The following EVI5 variants were observed in gnomAD, a reference collection of about 807,000 sequenced individuals.
EVI5 encodes the protein ecotropic viral integration site 5 protein homolog.
In EVI5, 73 loss-of-function variants were observed where a neutral mutation model predicts 112.0. That is an observed-to-expected ratio of 0.65 (90% CI 0.54 to 0.79). EVI5 has a LOEUF of 0.79. Among genes scored for constraint, EVI5 ranks in the 30% least tolerant of loss-of-function variants. EVI5 has a pLI of 0.00. For synonymous variants in EVI5, 305 were observed against 319.9 expected, an observed-to-expected ratio of 0.95 and a Z score of 0.50; for missense variants, 900 against 968.8, an observed-to-expected ratio of 0.93 and a Z score of 0.94.
At chr1:92,659,544 C>T (rs904272663) in intron 13 of EVI5, among the ~76,000 whole-genome samples, 1 of 151,996 alleles carries the variant, frequency 6.6e-6, no homozygotes, top group Non-Finnish European at 1.5e-5. Flanking sequence ...CAATGAGATA[C>T]CATCTTACAC....
intron 19 of EVI5, among the ~76,000 whole-genome samples, chr1:92,549,939 G>A (rs1666500742): frequency 6.6e-6 from 1 of 152,152 alleles, no homozygotes; most frequent in Admixed American, 6.5e-5. Context: ...AAGACAGTGT[G>A]GCGATTACTC....
chr1:92,728,267 T>A (rs1485996575), intron 2 of EVI5, among the ~76,000 whole-genome samples: 1 of 152,180 alleles, frequency 6.6e-6, no homozygotes, highest in Non-Finnish European at 1.5e-5. Flanking sequence ...ACAATTATAA[T>A]TTGAAGTTAC....
chr1:92,682,419 T>A (rs921104282), intron 9 of EVI5, among the ~76,000 whole-genome samples: 1 of 152,182 alleles, frequency 6.6e-6, no homozygotes, highest in African/African-American at 2.4e-5. Context: ...AAGTTCCATA[T>A]CAGCAGGGAT....
At chr1:92,538,665 G>T (rs1032671942) in intron 19 of EVI5, among the ~76,000 whole-genome samples, 1 of 152,184 alleles carries the variant, frequency 6.6e-6, no homozygotes, top group Admixed American at 6.5e-5. Flanking sequence ...TGATTCCAAG[G>T]TGGCACACTG....
chr1:92,655,121 C>T (rs1662780774), intron 13 of EVI5, among the ~76,000 whole-genome samples: 1 of 151,744 alleles, frequency 6.6e-6, no homozygotes, highest in Non-Finnish European at 1.5e-5. Context: ...AGAAGATGCT[C>T]AGAGAACTCT....
At chr1:92,664,126 G>C (rs1385417894) in intron 11 of EVI5, among the ~76,000 whole-genome samples, 1 of 152,164 alleles carries the variant, frequency 6.6e-6, no homozygotes, top group Non-Finnish European at 1.5e-5. Context: ...ACATGAAAGG[G>C]AGAAGGAATT....
chr1:92,695,023 C>T (rs1024490585), intron 7 of EVI5, among the ~76,000 whole-genome samples: 3 of 152,182 alleles, frequency 2.0e-5, no homozygotes, highest in African/African-American at 4.8e-5. Flanking sequence ...AGGCTCCAAA[C>T]TGCCTATGTT....
chr1:92,512,826 TAGAAAAAAA>T lies in EVI5; in HGVS notation c.*821_*829del, dbSNP rs913831684. The T allele has an allele frequency of 1.4e-5, 2 of 145,694 alleles. No individual in the cohort carries two copies. Among genetic ancestry groups the T allele is most frequent in the African/African-American group, 2.5e-5 (1 of 40,446 alleles). The allele number at this position is 145,694 out of a possible 1,614,324, so 9.0% of individuals were successfully genotyped here. A position where few individuals can be genotyped will look rare whatever the true frequency, so the allele number is the denominator to read the frequency against. ...AATAATTTTCATGAAAAAATAAAAA[TAGAAAAAAA>T]AAACCTCCCAGACACAAACAGACAA... On this transcript the variant is annotated 3_prime_UTR_variant, in exon 20 of 20. Transcript: ENST00000684568.
chr1:92,784,691 G>T, intron 1 of EVI5, 145 bp downstream of exon 1: 1 of 474,732 alleles, frequency 2.1e-6, no homozygotes, highest in Non-Finnish European at 2.8e-6. Context: ...GCCCTGGCGG[G>T]GCCAGGCGCG....
chr1:92,755,179 T>C (rs1570782168), intron 1 of EVI5, among the ~76,000 whole-genome samples: 1 of 147,146 alleles, frequency 6.8e-6, no homozygotes, highest in Non-Finnish European at 1.5e-5. Flanking sequence ...GAGGCTGAGG[T>C]GGGTGGATCA....
At chr1:92,728,013 ATAAAC>A (rs1188401932) in intron 2 of EVI5, among the ~76,000 whole-genome samples, 1 of 29,740 alleles carries the variant, frequency 3.4e-5, no homozygotes, top group African/African-American at 1.0e-4. Context: ...AAAGTTAAAG[ATAAAC>A]AAAAAAAAAT....
intron 10 of EVI5, among the ~76,000 whole-genome samples, chr1:92,675,955 CAAA>C (rs370294019): frequency 1.8e-5 from 1 of 56,696 alleles, no homozygotes. Flanking sequence ...GACTTCGTCT[CAAA>C]AAAAAAAAAA....
chr1:92,696,613 G>A (rs1285329442), intron 6 of EVI5, among the ~76,000 whole-genome samples: 1 of 150,540 alleles, frequency 6.6e-6, no homozygotes, highest in Non-Finnish European at 1.5e-5. Flanking sequence ...CTTCAGCCTG[G>A]ACAACAGAGC....
chr1:92,543,501 T>C (rs534870722), intron 19 of EVI5, among the ~76,000 whole-genome samples: 1 of 152,352 alleles, frequency 6.6e-6, no homozygotes, highest in Admixed American at 6.5e-5. Context: ...TGAGGCTGCT[T>C]TGCTTTCTTA....
At position 92,624,231 on chromosome 1, in the gene EVI5, T is replaced by C. The variant is rs1323984883; in HGVS notation, c.1772A>G (p.Glu591Gly). The change falls in exon 16 of 20, where the codon GAA becomes GGA. Residue 591 changes from glutamate to glycine, a missense_variant. Transcript: ENST00000684568. ...TATTTCTCTTATTTCTGCTTGTGTTTCAGCTTCTCTAAGTCGAATGGTCAT... is the reference window on the plus strand; with the variant it reads ...TATTTCTCTTATTTCTGCTTGTGTTCCAGCTTCTCTAAGTCGAATGGTCAT... ...ELMTIRLREA[E>G]TQAEIREIKQ... 1 of 1,613,894 alleles carries C rather than the reference T, an allele frequency of 6.2e-7. No individual in the cohort carries two copies. The highest frequency in any genetic ancestry group is 8.5e-7 in the Non-Finnish European group (1 of 1,179,830).
chr1:92,695,639 A>T (rs925764740), intron 6 of EVI5, among the ~76,000 whole-genome samples, 186 bp from the exon 7 acceptor site: 2 of 152,166 alleles, frequency 1.3e-5, no homozygotes, highest in African/African-American at 4.8e-5. Context: ...AGGGGGAAAG[A>T]ATGTGAAGTT....
chr1:92,602,999 AC>A (rs1649516766), intron 18 of EVI5, among the ~76,000 whole-genome samples: 1 of 152,212 alleles, frequency 6.6e-6, no homozygotes, highest in Admixed American at 6.5e-5. Flanking sequence ...TAACTCAACA[AC>A]AAAAACAACA....
Position 92,767,204 on chromosome 1 carries a change from TGTTA to T in EVI5, c.-82+17628_-82+17631del, listed in dbSNP as rs746430876. 7.9e-5 allele frequency among the ~76,000 whole-genome samples: 12 copies of T among 152,286 alleles called. No homozygotes were observed. The East Asian group carries it at 1.7e-3, about 22-fold the overall frequency. On this transcript the variant is annotated intron_variant, in intron 1 of 19. Transcript: ENST00000684568. ...ATCCATACTGTATATGCTATCCGCC[TGTTA>T]GTTACTTAGTATGCATCTCATTTAT...
At chr1:92,570,221 A>G (rs771549889) in intron 18 of EVI5, among the ~76,000 whole-genome samples, 9 of 152,160 alleles carry the variant, frequency 5.9e-5, no homozygotes, top group Non-Finnish European at 1.2e-4. Context: ...ATGTCAGTAA[A>G]CTGATATACT....
Sources: allele counts gnomAD v4.1 joint callset (sites outside exome capture counted in the v4.1 genomes callset), GRCh38; gene constraint gnomAD v4.1.1; transcripts MANE v1.5; gene names NCBI Gene and HGNC (gene_info 2026-07-23, HGNC 2026-07-21).